WDPCP: variants seen among roughly 807,000 people sequenced by gnomAD.
WDPCP encodes WD repeat containing planar cell polarity effector, also known as WD repeat-containing and planar cell polarity effector protein fritz homolog.
Under a neutral mutation model 93.1 loss-of-function variants are expected in WDPCP, and 71 were observed. The ratio of observed to expected loss-of-function variants is 0.76; its 90% confidence interval spans 0.63 to 0.93. WDPCP has a LOEUF of 0.93. Among genes scored for constraint, WDPCP ranks in the 40% least tolerant of loss-of-function variants. The pLI, the probability that WDPCP is intolerant of heterozygous loss-of-function variation, is 0.00. For missense variants in WDPCP, 844 were observed against 887.4 expected, an observed-to-expected ratio of 0.95 and a Z score of 0.62; for synonymous variants, 315 against 315.0, an observed-to-expected ratio of 1.00 and a Z score of 0.00.
intron 2 of WDPCP, among the ~76,000 whole-genome samples, chr2:63,788,474 T>A (rs1366322030): frequency 6.6e-6 from 1 of 152,208 alleles, no homozygotes; most frequent in Non-Finnish European, 1.5e-5. Flanking sequence ...GAAAACTGTT[T>A]GCAGCTACAA....
intron 1 of WDPCP, among the ~76,000 whole-genome samples, chr2:63,820,585 A>G (rs1406231285): frequency 6.6e-6 from 1 of 152,180 alleles, no homozygotes; most frequent in Non-Finnish European, 1.5e-5. Flanking sequence ...CAAAGTTGCT[A>G]AGCAAAGTTC....
chr2:63,663,012 T>C (rs1259940582), intron 2 of WDPCP, among the ~76,000 whole-genome samples: 2 of 152,218 alleles, frequency 1.3e-5, no homozygotes, highest in East Asian at 3.8e-4. Context: ...TCACCAGCCA[T>C]GAGGTACCTC....
chr2:63,490,850 A>G (rs1700835710), intron 2 of WDPCP, among the ~76,000 whole-genome samples: 1 of 152,196 alleles, frequency 6.6e-6, no homozygotes, highest in African/African-American at 2.4e-5. Context: ...GCTGGGTAGG[A>G]AGATAAGTGA....
At chr2:63,524,392 T>C (rs1703165120) in intron 1 of WDPCP, among the ~76,000 whole-genome samples, 1 of 152,036 alleles carries the variant, frequency 6.6e-6, no homozygotes, top group Non-Finnish European at 1.5e-5. Flanking sequence ...ATGGTACTAG[T>C]ACAAAAACAG....
rs1575038743 is a variant in WDPCP, at chr2:63,275,878, T to C, written c.1813-16469A>G. Among the ~76,000 whole-genome samples the C allele has an allele frequency of 2.6e-5, 4 of 152,218 alleles. No homozygotes were observed. In the East Asian group the frequency reaches 7.7e-4, roughly 29 times the overall value. On this transcript the variant is annotated intron_variant, in intron 13 of 17. Coordinates refer to ENST00000272321, the MANE Select transcript of WDPCP (RefSeq NM_015910.7). ...CTGCTTGGACAGACAAAACAGTGTA[T>C]AGAAACTCACATCATGAACTTTTGC...
At position 63,579,571 on chromosome 2, in the gene WDPCP, T is replaced by C. The variant is rs142862656; in HGVS notation, c.75+8626A>G. On this transcript the variant is annotated intron_variant, in intron 1 of 17. Coordinates refer to ENST00000272321, the MANE Select transcript of WDPCP (RefSeq NM_015910.7). ...GTTGTGGTGAGTCAACATCACTCCA[T>C]TGCACTCCAGCCTGGGCAACAGAGC... is the stretch of plus-strand genomic sequence containing the variant. Among the ~76,000 whole-genome samples, 712 of 152,080 alleles carry C rather than the reference T, an allele frequency of 4.7e-3. 9 individuals are homozygous for C. The highest frequency in any genetic ancestry group is 0.016 in the African/African-American group (666 of 41,486).
chr2:63,753,534 G>A (rs1209416044), intron 2 of WDPCP, among the ~76,000 whole-genome samples: 1 of 152,196 alleles, frequency 6.6e-6, no homozygotes, highest in Non-Finnish European at 1.5e-5. Flanking sequence ...AAGCATAGCA[G>A]CTTCTAGGGA....
rs1465885968 is a variant in WDPCP, at chr2:63,606,757, C to A, written n.488+43902G>T. ...TCTGGATTTTTATTTACTTTAGAATCAGACTTTAAAACGATATACCTCTAA... is the reference window on the plus strand; with the variant it reads ...TCTGGATTTTTATTTACTTTAGAATAAGACTTTAAAACGATATACCTCTAA... On this transcript the variant is annotated intron_variant and non_coding_transcript_variant, in intron 3 of 4. Transcript: ENST00000467687. 3.7e-5 allele frequency: 25 copies of A among 673,594 alleles called. 1 individual carries two copies. In the South Asian group the frequency reaches 9.8e-4, roughly 27 times the overall value. The allele number at this position is 673,594 out of a possible 1,614,324, so 41.7% of individuals were successfully genotyped here.
chr2:63,147,076 A>T (rs564414680), intron 17 of WDPCP, among the ~76,000 whole-genome samples: 4 of 152,362 alleles, frequency 2.6e-5, no homozygotes, highest in African/African-American at 9.6e-5. Context: ...TAGGGATGTA[A>T]GAATGAAGTA....
At chr2:63,135,632 A>C (rs1670563008) in intron 17 of WDPCP, among the ~76,000 whole-genome samples, 1 of 152,238 alleles carries the variant, frequency 6.6e-6, no homozygotes. Flanking sequence ...GCCCAGCCAA[A>C]TGTTATTATT....
At chr2:63,565,300 T>C (rs1706956616) in intron 1 of WDPCP, among the ~76,000 whole-genome samples, 1 of 152,216 alleles carries the variant, frequency 6.6e-6, no homozygotes, top group Non-Finnish European at 1.5e-5. Flanking sequence ...TTGTTATGAA[T>C]ACATAGACTG....
At chr2:63,686,496 GTTAAAATGT>G (rs1470802786) in intron 2 of WDPCP, among the ~76,000 whole-genome samples, 1 of 152,106 alleles carries the variant, frequency 6.6e-6, no homozygotes, top group African/African-American at 2.4e-5. Flanking sequence ...AATCAGTATT[GTTAAAATGT>G]CCTACTACCC....
intron 1 of WDPCP, among the ~76,000 whole-genome samples, chr2:63,559,619 T>A (rs184466901): frequency 1.3e-5 from 2 of 152,234 alleles, no homozygotes; most frequent in African/African-American, 4.8e-5. Flanking sequence ...ACCATTCCTA[T>A]ACACCAACAA....
chr2:63,834,443 T>A, the WDPCP span, among the ~76,000 whole-genome samples: 1 of 152,210 alleles, frequency 6.6e-6, no homozygotes. Context: ...ATTTTTTTTT[T>A]AATATGCTGC....
At chr2:63,763,576 T>C (rs918178840) in intron 2 of WDPCP, among the ~76,000 whole-genome samples, 6 of 151,670 alleles carry the variant, frequency 4.0e-5, no homozygotes, top group Admixed American at 6.6e-5. Flanking sequence ...ACTCATGAAA[T>C]GCATCCAAAA....
At chr2:63,488,946 G>A (rs189038058) in intron 2 of WDPCP, among the ~76,000 whole-genome samples, 1 of 152,012 alleles carries the variant, frequency 6.6e-6, no homozygotes, top group Non-Finnish European at 1.5e-5. Context: ...CCTACAGTGG[G>A]TACCAGAGCT....
intron 1 of WDPCP, among the ~76,000 whole-genome samples, chr2:63,827,235 C>A (rs938395499): frequency 1.1e-4 from 17 of 152,150 alleles, no homozygotes; most frequent in African/African-American, 4.1e-4. Flanking sequence ...TTAAGCCCTC[C>A]TTCTGACCCT....
intron 9 of WDPCP, among the ~76,000 whole-genome samples, chr2:63,404,951 G>T (rs1694455306): frequency 6.6e-6 from 1 of 152,078 alleles, no homozygotes; most frequent in Admixed American, 6.6e-5. Context: ...GTTTTGGAAG[G>T]CCTGTAAATC....
At chr2:63,590,862 A>C (rs1709185731), upstream of WDPCP, 1 of 152,166 alleles carries the variant, frequency 6.6e-6, no homozygotes, top group Admixed American at 6.6e-5. Flanking sequence ...GAATGGACAG[A>C]GTTAGAAAAG....
Sources: allele counts gnomAD v4.1 joint callset (sites outside exome capture counted in the v4.1 genomes callset), GRCh38; gene constraint gnomAD v4.1.1; transcripts MANE v1.5; gene names NCBI Gene and HGNC (gene_info 2026-07-23, HGNC 2026-07-21).